FKTN: variants seen among roughly 807,000 people sequenced by gnomAD.
FKTN encodes the protein fukutin.
A neutral mutation model predicts 58.6 loss-of-function variants in FKTN; 47 were observed. The observed-to-expected ratio is 0.80, with a 90% CI of 0.63 to 1.02. The LOEUF is 1.02. Among genes scored for constraint, FKTN ranks in the 50% least tolerant of loss-of-function variants. The pLI is 0.00. For missense variants in FKTN, 516 were observed against 537.3 expected, an observed-to-expected ratio of 0.96 and a Z score of 0.39; for synonymous variants, 178 against 191.9, an observed-to-expected ratio of 0.93 and a Z score of 0.60.
chr9:105,617,402 G>GT (rs1202540161), intron 8 of FKTN, among the ~76,000 whole-genome samples: 3 of 152,128 alleles, frequency 2.0e-5, no homozygotes, highest in African/African-American at 7.2e-5. Context: ...GGCCCATCAG[G>GT]TGGTCACTGT....
intron 3 of FKTN, among the ~76,000 whole-genome samples, chr9:105,581,641 A>T (rs1251443541): frequency 6.6e-6 from 1 of 152,164 alleles, no homozygotes; most frequent in Non-Finnish European, 1.5e-5. Flanking sequence ...CCCTGCCCCC[A>T]GAGGTGGAGC....
chr9:105,575,788 C>T (rs1841562822), intron 3 of FKTN, among the ~76,000 whole-genome samples: 1 of 152,172 alleles, frequency 6.6e-6, no homozygotes, highest in Non-Finnish European at 1.5e-5. Flanking sequence ...TTTTTATCCT[C>T]ATGTCTTAAT....
chr9:105,560,836 C>G (rs1023210275), intron 1 of FKTN, among the ~76,000 whole-genome samples: 1 of 152,154 alleles, frequency 6.6e-6, no homozygotes, highest in African/African-American at 2.4e-5. Flanking sequence ...CGTCTGTAAT[C>G]TCAGCACTTT....
At position 105,618,931 on chromosome 9, in the gene FKTN, C is replaced by T. The variant is rs372619697; in HGVS notation, c.1044+839C>T. Among the ~76,000 whole-genome samples, 78 of 152,050 alleles carry T rather than the reference C, an allele frequency of 5.1e-4. 1 individual carries two copies. The highest frequency in any genetic ancestry group is 1.7e-3 in the African/African-American group (72 of 41,478). ...AAAATTAGCCGGGCGCGGTGGCGGG[C>T]GCCTGTAGTCCCAGCTACTGGGGAG... is the stretch of plus-strand genomic sequence containing the variant. On this transcript the variant is annotated intron_variant, in intron 9 of 10. Transcript: ENST00000357998.
chr9:105,615,230 A>T, intron 7 of FKTN, 48 bp from the exon 8 acceptor site: 1 of 1,599,190 alleles, frequency 6.3e-7, no homozygotes. Flanking sequence ...AAAGGTTCCT[A>T]GCAATTTAGA....
At chr9:105,586,109 G>A (rs917113890) in intron 3 of FKTN, among the ~76,000 whole-genome samples, 1 of 152,112 alleles carries the variant, frequency 6.6e-6, no homozygotes, top group African/African-American at 2.4e-5. Flanking sequence ...TGACCATTTT[G>A]AGGGCCTTAG....
At chr9:105,570,284 T>A (rs1210713422) in intron 1 of FKTN, among the ~76,000 whole-genome samples, 1 of 152,164 alleles carries the variant, frequency 6.6e-6, no homozygotes, top group Non-Finnish European at 1.5e-5. Flanking sequence ...TACTTGATGT[T>A]AATTCAGCCA....
chr9:105,639,329 A>G lies in FKTN; in HGVS notation c.*4065A>G, dbSNP rs1423344332. 1 of 967,626 alleles carries G rather than the reference A, an allele frequency of 1.0e-6. No individual in the cohort carries two copies. Among genetic ancestry groups the G allele is most frequent in the Non-Finnish European group, 1.2e-6 (1 of 813,716 alleles). 59.9% of individuals were successfully genotyped at this position (967,626 alleles called of 1,614,324 possible). ...TCAGGGAAGGCAATGTGTTGCCATAAAAAGACCACAAGCTTTTGAGTTAGG... is the reference window on the plus strand; with the variant it reads ...TCAGGGAAGGCAATGTGTTGCCATAGAAAGACCACAAGCTTTTGAGTTAGG... On this transcript the variant is annotated 3_prime_UTR_variant, in exon 11 of 11. Transcript: ENST00000357998.
chr9:105,637,542 A>C lies in FKTN; in HGVS notation c.*2278A>C, dbSNP rs1468312910. ...CATACTTCATCTTATGTATTTTAAC[A>C]GTTGGGTTCTGTGGAGTGTCCAGAG... On this transcript the variant is annotated 3_prime_UTR_variant, in exon 11 of 11. Coordinates refer to ENST00000357998, the MANE Select transcript of FKTN (RefSeq NM_001079802.2). 1.8e-5 allele frequency: 18 copies of C among 985,264 alleles called. No individual in the cohort carries two copies. The highest frequency in any genetic ancestry group is 2.0e-5 in the Non-Finnish European group (17 of 829,880). The allele number at this position is 985,264 out of a possible 1,614,324, so 61.0% of individuals were successfully genotyped here.
chr9:105,620,350 TG>T (rs1424033191), intron 10 of FKTN, among the ~76,000 whole-genome samples: 1 of 152,202 alleles, frequency 6.6e-6, no homozygotes, highest in Non-Finnish European at 1.5e-5. Context: ...CTGAAGAGCA[TG>T]GGTTTTAGAG....
At position 105,604,279 on chromosome 9, in the gene FKTN, C is replaced by T; in HGVS notation, c.434C>T (p.Pro145Leu). The T allele has an allele frequency of 6.2e-7, 1 of 1,613,338 alleles. No homozygotes were observed. Among genetic ancestry groups the T allele is most frequent in the Non-Finnish European group, 8.5e-7 (1 of 1,179,916 alleles). ...TGCCTAAAGATTGAGAGTAAAGATCCCCGGCTAGACGGGATAGACTCACTC... is the reference window on the plus strand; with the variant it reads ...TGCCTAAAGATTGAGAGTAAAGATCTCCGGCTAGACGGGATAGACTCACTC... ...FQCLKIESKD[P>L]RLDGIDSLSG... The change falls in exon 6 of 11, where the codon CCC (proline) becomes CTC (leucine). Residue 145 changes from proline to leucine, a missense_variant. Coordinates refer to ENST00000357998, the MANE Select transcript of FKTN (RefSeq NM_001079802.2).
intron 10 of FKTN, among the ~76,000 whole-genome samples, chr9:105,624,000 G>A (rs1401402430): frequency 6.6e-6 from 1 of 152,102 alleles, no homozygotes. Flanking sequence ...GTGGGCATCT[G>A]TATACGTAAA....
At chr9:105,600,364 C>T (rs770059185) in intron 4 of FKTN, among the ~76,000 whole-genome samples, 7 of 152,114 alleles carry the variant, frequency 4.6e-5, no homozygotes, top group Non-Finnish European at 1.0e-4. Context: ...GATAGGCAAA[C>T]ATTCCTATAA....
At position 105,635,826 on chromosome 9, in the gene FKTN, T is replaced by A; in HGVS notation, c.*562T>A. 1.0e-6 allele frequency: 1 copy of A among 999,198 alleles called. No individual in the cohort carries two copies. The highest frequency in any genetic ancestry group is 1.2e-6 in the Non-Finnish European group (1 of 837,100). 61.9% of individuals were successfully genotyped at this position (999,198 alleles called of 1,614,324 possible). On this transcript the variant is annotated 3_prime_UTR_variant, in exon 11 of 11. Transcript: ENST00000357998. ...TCAACTAATCTTATGTGGAATTGAA[T>A]TAGAGAACAAGGCATTATTCTTTTA...
At chr9:105,621,820 T>G (rs568185170) in intron 10 of FKTN, among the ~76,000 whole-genome samples, 1 of 152,124 alleles carries the variant, frequency 6.6e-6, no homozygotes, top group Non-Finnish European at 1.5e-5. Flanking sequence ...CAATTCCCTA[T>G]TGATGAATAT....
At chr9:105,629,015 A>C (rs1833079919) in intron 10 of FKTN, among the ~76,000 whole-genome samples, 1 of 152,182 alleles carries the variant, frequency 6.6e-6, no homozygotes, top group African/African-American at 2.4e-5. Flanking sequence ...TACATTTATC[A>C]AAACTCATCA....
At chr9:105,581,775 G>A (rs943413520) in intron 3 of FKTN, among the ~76,000 whole-genome samples, 239 of 152,266 alleles carry the variant, frequency 1.6e-3, no homozygotes, top group African/African-American at 5.0e-3. Flanking sequence ...CCTCGCTGCC[G>A]CCTTGCAGTT....
intron 3 of FKTN, among the ~76,000 whole-genome samples, chr9:105,586,898 G>T (rs1844012703): frequency 6.6e-6 from 1 of 152,172 alleles, no homozygotes; most frequent in African/African-American, 2.4e-5. Context: ...CATAAACCAA[G>T]TTAACTGGGG....
At chr9:105,610,562 C>G (rs1234138528) in intron 7 of FKTN, among the ~76,000 whole-genome samples, 1 of 151,940 alleles carries the variant, frequency 6.6e-6, no homozygotes, top group Non-Finnish European at 1.5e-5. Context: ...CCCTGTTCTT[C>G]TCACCCTACC....
Sources: allele counts gnomAD v4.1 joint callset (sites outside exome capture counted in the v4.1 genomes callset), GRCh38; gene constraint gnomAD v4.1.1; transcripts MANE v1.5; gene names NCBI Gene and HGNC (gene_info 2026-07-23, HGNC 2026-07-21).